ME3: variants seen among roughly 807,000 people sequenced by gnomAD.
The protein encoded by ME3 is NADP-dependent malic enzyme, mitochondrial.
ME3 carries 48 observed loss-of-function variants against 68.9 expected under a neutral mutation model. That is an observed-to-expected ratio of 0.70 (90% CI 0.55 to 0.89). ME3 has a LOEUF of 0.89. Among genes scored for constraint, ME3 ranks in the 40% least tolerant of loss-of-function variants. The pLI is 0.00. For missense variants in ME3, 675 were observed against 797.4 expected (o/e 0.85, Z 1.85); for synonymous variants, 320 against 318.8 (o/e 1.00, Z -0.04).
At chr11:86,521,434 T>TAA (rs1954299037) in intron 4 of ME3, among the ~76,000 whole-genome samples, 1 of 107,424 alleles carries the variant, frequency 9.3e-6, no homozygotes, top group African/African-American at 3.7e-5. Context: ...AAAACAAAAA[T>TAA]AATAATAATA....
At chr11:86,592,358 G>A (rs575286353) in intron 2 of ME3, among the ~76,000 whole-genome samples, 1 of 152,248 alleles carries the variant, frequency 6.6e-6, no homozygotes, top group Non-Finnish European at 1.5e-5. Flanking sequence ...TTGAGGGGGG[G>A]AAATAGGCTA....
chr11:86,610,607 G>C (rs1217946080), intron 2 of ME3, among the ~76,000 whole-genome samples: 1 of 151,914 alleles, frequency 6.6e-6, no homozygotes, highest in Non-Finnish European at 1.5e-5. Context: ...TGCTGCTCAG[G>C]GTGGCTGTGC....
At chr11:86,524,044 C>G (rs745634871) in intron 4 of ME3, among the ~76,000 whole-genome samples, 6 of 152,184 alleles carry the variant, frequency 3.9e-5, no homozygotes, top group African/African-American at 1.4e-4. Context: ...AAATAATAAT[C>G]AGAGGCTTTA....
intron 2 of ME3, among the ~76,000 whole-genome samples, chr11:86,567,235 AAAG>A (rs1460749777): frequency 5.2e-5 from 3 of 58,070 alleles, no homozygotes; most frequent in Admixed American, 1.7e-4. Flanking sequence ...GAAAGAAAGA[AAAG>A]AAAGAAAGGA....
At chr11:86,609,338 C>G (rs1403567140) in intron 2 of ME3, among the ~76,000 whole-genome samples, 1 of 152,158 alleles carries the variant, frequency 6.6e-6, no homozygotes, top group Non-Finnish European at 1.5e-5. Context: ...AAGTCCCTTA[C>G]CCTCTGAAAT....
chr11:86,479,197 C>T (rs1219012766), intron 7 of ME3, among the ~76,000 whole-genome samples: 3 of 152,126 alleles, frequency 2.0e-5, no homozygotes, highest in African/African-American at 7.2e-5. Flanking sequence ...CTTCTCCGGC[C>T]CTTGAGCATC....
intron 2 of ME3, among the ~76,000 whole-genome samples, chr11:86,570,735 C>T (rs775813438): frequency 1.3e-5 from 2 of 152,188 alleles, no homozygotes; most frequent in Non-Finnish European, 2.9e-5. Flanking sequence ...GCTCTGGTGC[C>T]ATGGGCTGCA....
chr11:86,457,669 C>G, intron 8 of ME3: 1 of 1,285,576 alleles, frequency 7.8e-7, no homozygotes. Flanking sequence ...TCGAGGTAAC[C>G]ACTCTGAGAA....
rs188059783 is a variant in ME3 at position 86,518,500 on chromosome 11, C to T, written c.468-9633G>A. The stretch of plus-strand genomic sequence containing the variant: ...TTTTCTTTGTCCTGTCATTTCTTCT[C>T]GAATTTATCATTCTTCATCCAAAAT... On this transcript the variant is annotated intron_variant, in intron 4 of 14. Transcript: ENST00000543262. Among the ~76,000 whole-genome samples, 170 of 152,324 alleles carry T rather than the reference C, an allele frequency of 1.1e-3. 1 individual carries two copies. Among genetic ancestry groups the T allele is most frequent in the African/African-American group, 3.6e-3 (150 of 41,558 alleles).
At chr11:86,640,272 C>T (rs1327840309) in intron 2 of ME3, among the ~76,000 whole-genome samples, 1 of 152,150 alleles carries the variant, frequency 6.6e-6, no homozygotes, top group East Asian at 1.9e-4. Context: ...ATCCACAGAA[C>T]ACGTTAGCTT....
chr11:86,547,698 ACTC>A (rs1956449470), intron 4 of ME3, among the ~76,000 whole-genome samples: 1 of 152,148 alleles, frequency 6.6e-6, no homozygotes, highest in African/African-American at 2.4e-5. Context: ...TTTAGACAAA[ACTC>A]AATGTGAGCA....
At chr11:86,518,711 T>C (rs1187031388) in intron 4 of ME3, among the ~76,000 whole-genome samples, 2 of 152,168 alleles carry the variant, frequency 1.3e-5, no homozygotes, top group Non-Finnish European at 2.9e-5. Flanking sequence ...GATCTTCAGC[T>C]CTCCACAAAT....
intron 7 of ME3, among the ~76,000 whole-genome samples, chr11:86,475,317 T>C (rs929385922): frequency 2.0e-5 from 3 of 152,206 alleles, no homozygotes; most frequent in Admixed American, 6.5e-5. Flanking sequence ...GTTTTCACCA[T>C]GTGATATACC....
intron 2 of ME3, among the ~76,000 whole-genome samples, chr11:86,609,080 A>G (rs1423142008): frequency 6.6e-6 from 1 of 152,224 alleles, no homozygotes; most frequent in Non-Finnish European, 1.5e-5. Flanking sequence ...ACAGACCAGG[A>G]AGCAAGAACT....
At chr11:86,582,139 A>G (rs1958473656) in intron 2 of ME3, among the ~76,000 whole-genome samples, 1 of 152,278 alleles carries the variant, frequency 6.6e-6, no homozygotes, top group East Asian at 1.9e-4. Context: ...CTTTGCCACC[A>G]GCCACTCTTC....
At chr11:86,643,464 A>G (rs1944797198) in intron 2 of ME3, among the ~76,000 whole-genome samples, 1 of 152,036 alleles carries the variant, frequency 6.6e-6, no homozygotes, top group Non-Finnish European at 1.5e-5. Flanking sequence ...GGAAATCCCA[A>G]TCTATCTTTT....
chr11:86,589,383 A>C (rs1958927130), intron 2 of ME3, among the ~76,000 whole-genome samples: 1 of 141,668 alleles, frequency 7.1e-6, no homozygotes, highest in African/African-American at 3.1e-5. Context: ...GAGAGAATAT[A>C]TGAATGAATG....
At position 86,442,975 on chromosome 11, in the gene ME3, A is replaced by C. The variant is rs555350201; in HGVS notation, c.1555-56T>G. ...AGCTGAGTCTCTGCCTTCCCAAAAC[A>C]AGCCCAACCCGTTACCCCAGAGACT... On this transcript the variant is annotated intron_variant, in intron 13 of 14. Transcript: ENST00000543262. 56 of 1,436,176 alleles carry C rather than the reference A, an allele frequency of 3.9e-5. No individual in the cohort carries two copies. In the Middle Eastern group the frequency reaches 2.3e-3, roughly 60 times the overall value. The allele number at this position is 1,436,176 out of a possible 1,614,324, so 89.0% of individuals were successfully genotyped here.
At chr11:86,448,683 C>T (rs1345277168) in intron 10 of ME3, among the ~76,000 whole-genome samples, 1 of 152,128 alleles carries the variant, frequency 6.6e-6, no homozygotes, top group African/African-American at 2.4e-5. Flanking sequence ...CTTATAAGAG[C>T]CATTAATTCC....
Sources: allele counts gnomAD v4.1 joint callset (sites outside exome capture counted in the v4.1 genomes callset), GRCh38; gene constraint gnomAD v4.1.1; transcripts MANE v1.5; gene names NCBI Gene and HGNC (gene_info 2026-07-23, HGNC 2026-07-21).